The following TATDN1 variants were observed in gnomAD, a reference collection of about 807,000 sequenced individuals.
TATDN1 encodes TatD DNase domain containing 1.
A neutral mutation model predicts 46.4 loss-of-function variants in TATDN1; 40 were observed. The observed-to-expected ratio is 0.86, with a 90% confidence interval of 0.67 to 1.12. TATDN1 has a LOEUF of 1.12. TATDN1 is among the 50% of genes most tolerant of loss of function. The probability of loss-of-function intolerance (pLI) is 0.00; values close to 1 mark genes in which losing one functional copy is unlikely to be tolerated. For missense variants in TATDN1, 326 were observed against 348.4 expected, an observed-to-expected ratio of 0.94 and a Z score of 0.51; for synonymous variants, 95 against 105.6, an observed-to-expected ratio of 0.90 and a Z score of 0.62.
At chr8:124,494,522 G>A (rs1817290651) in intron 10 of TATDN1, 1 of 152,240 alleles carries the variant, frequency 6.6e-6, no homozygotes, top group African/African-American at 2.4e-5. Flanking sequence ...CCTTGACAGG[G>A]TTTAGATAAA....
chr8:124,527,015 A>G (rs1820559392), intron 1 of TATDN1, among the ~76,000 whole-genome samples: 1 of 152,240 alleles, frequency 6.6e-6, no homozygotes, highest in South Asian at 2.1e-4. Context: ...CACGAGATCT[A>G]TACATTAGGG....
intron 1 of TATDN1, among the ~76,000 whole-genome samples, chr8:124,530,918 C>T (rs1016828832): frequency 7.9e-5 from 12 of 152,072 alleles, no homozygotes; most frequent in African/African-American, 2.9e-4. Flanking sequence ...GAGACTGGCA[C>T]CAACTTCCAA....
Position 124,504,277 on chromosome 8 carries a change from T to C in TATDN1, c.587A>G (p.Asn196Ser). 1.2e-6 allele frequency: 2 copies of C among 1,600,030 alleles called. No homozygotes were observed. Among genetic ancestry groups the C allele is most frequent in the South Asian group, 1.1e-5 (1 of 87,060 alleles). ...LIDLDLYIGF[N>S]GCSLKTEANL... ...AAGCAACCTAAGAACGTACCAACCA[T>C]TAAATCCTATATAAAGATCCAAGTC... is the stretch of plus-strand genomic sequence containing the variant. Residue 196 changes from asparagine (N) to serine (S), a missense_variant, in exon 9 of 12, where the codon AAT (asparagine) becomes AGT (serine). By Grantham distance (46) the Asn-to-Ser change is conservative. Coordinates refer to ENST00000276692, the MANE Select transcript of TATDN1 (RefSeq NM_032026.4).
intron 11 of TATDN1, among the ~76,000 whole-genome samples, chr8:124,492,935 G>C (rs938412647): frequency 6.6e-6 from 1 of 151,976 alleles, no homozygotes; most frequent in Non-Finnish European, 1.5e-5. Context: ...GAATACAGGC[G>C]CAGGCCACCA....
rs558130152 is a variant in TATDN1 at position 124,506,290 on chromosome 8, G to A, written c.517-1943C>T. Among the ~76,000 whole-genome samples the A allele has an allele frequency of 1.9e-4, 26 of 138,370 alleles. No individual in the cohort carries two copies. The East Asian group carries it at 3.5e-3, about 19-fold the overall frequency. The allele number at this position is 138,370 out of a possible 152,430, so 90.8% of individuals were successfully genotyped here. A position where few individuals can be genotyped will look rare whatever the true frequency, so the allele number is the denominator to read the frequency against. ...ACAGAAGTTGTGGTGAGCCAAGATCGTGCTATTGCACTCCAGCCTGGGTGA... is the reference window on the plus strand; with the variant it reads ...ACAGAAGTTGTGGTGAGCCAAGATCATGCTATTGCACTCCAGCCTGGGTGA... On this transcript the variant is annotated intron_variant, in intron 8 of 11. Coordinates refer to ENST00000276692, the MANE Select transcript of TATDN1 (RefSeq NM_032026.4).
intron 3 of TATDN1, among the ~76,000 whole-genome samples, chr8:124,520,815 C>T (rs1032764287): frequency 9.2e-5 from 14 of 151,646 alleles, no homozygotes; most frequent in South Asian, 2.1e-4. Flanking sequence ...TGGTGGCGGG[C>T]GCCTGTAGTC....
intron 3 of TATDN1, among the ~76,000 whole-genome samples, chr8:124,519,584 T>C (rs967689416): frequency 2.6e-5 from 4 of 152,216 alleles, no homozygotes; most frequent in African/African-American, 9.6e-5. Context: ...ATATTTAAAA[T>C]ATTTTGTTTT....
At chr8:124,495,788 A>AT (rs765853915) in intron 9 of TATDN1, among the ~76,000 whole-genome samples, 1 of 152,188 alleles carries the variant, frequency 6.6e-6, no homozygotes, top group Non-Finnish European at 1.5e-5. Context: ...ATAGCGTTCT[A>AT]TATCAGTCTA....
At chr8:124,508,776 A>C in intron 6 of TATDN1, 88 bp from the exon 7 acceptor site, 4 of 831,464 alleles carry the variant, frequency 4.8e-6, no homozygotes, top group Non-Finnish European at 7.3e-6. Flanking sequence ...TTTAAATTAA[A>C]GGTATTTAAT....
intron 1 of TATDN1, among the ~76,000 whole-genome samples, chr8:124,527,273 C>T (rs1820581117): frequency 1.3e-5 from 2 of 152,204 alleles, no homozygotes; most frequent in African/African-American, 4.8e-5. Context: ...GGGGTGGAGA[C>T]TTAACATTAA....
chr8:124,539,063 C>T lies in TATDN1; in HGVS notation c.-17G>A, dbSNP rs1821782764. ...GCGACTCATGACTGCGCATGGAGGA[C>T]CTCCCCAGCGGAAGCGGAAGTGGCC... On this transcript the variant is annotated 5_prime_UTR_variant, in exon 1 of 12. Transcript: ENST00000276692. 3.1e-6 allele frequency: 5 copies of T among 1,612,680 alleles called. No homozygotes were observed. The highest frequency in any genetic ancestry group is 4.2e-6 in the Non-Finnish European group (5 of 1,178,744).
intron 11 of TATDN1, 118 bp from the exon 12 acceptor site, chr8:124,488,814 T>A: frequency 1.5e-6 from 1 of 663,740 alleles, no homozygotes; most frequent in East Asian, 2.9e-5. Context: ...TAATAAAGCT[T>A]AACAGTTATT....
chr8:124,498,082 T>C (rs1586570101), intron 9 of TATDN1, among the ~76,000 whole-genome samples: 2 of 152,264 alleles, frequency 1.3e-5, no homozygotes, highest in South Asian at 4.2e-4. Flanking sequence ...GTTTTTCTAT[T>C]TATCTTGGCC....
At chr8:124,526,150 G>A (rs1820481580) in intron 1 of TATDN1, among the ~76,000 whole-genome samples, 1 of 152,154 alleles carries the variant, frequency 6.6e-6, no homozygotes, top group African/African-American at 2.4e-5. Flanking sequence ...GAGAATCCCT[G>A]ATTAACCATT....
intron 8 of TATDN1, 117 bp from the exon 9 acceptor site, chr8:124,504,464 G>A: frequency 3.9e-6 from 2 of 510,330 alleles, no homozygotes; most frequent in Non-Finnish European, 6.6e-6. Context: ...TGGACCTCAG[G>A]GTTTCAAAGG....
At chr8:124,500,613 C>A (rs1026302477) in intron 9 of TATDN1, among the ~76,000 whole-genome samples, 7 of 151,624 alleles carry the variant, frequency 4.6e-5, no homozygotes, top group Non-Finnish European at 1.0e-4. Context: ...TTGGGAGGAT[C>A]GCCTGAGCCC....
intron 4 of TATDN1, among the ~76,000 whole-genome samples, chr8:124,518,069 G>A (rs755939477): frequency 2.6e-5 from 4 of 151,346 alleles, no homozygotes; most frequent in Non-Finnish European, 4.4e-5. Flanking sequence ...AAAATTAGCT[G>A]GGCATGGTGG....
At chr8:124,507,793 A>G (rs535790943) in intron 8 of TATDN1, among the ~76,000 whole-genome samples, 4 of 151,884 alleles carry the variant, frequency 2.6e-5, no homozygotes, top group African/African-American at 9.7e-5. Context: ...CCAAAAAAAA[A>G]AAAAAACAAA....
intron 9 of TATDN1, among the ~76,000 whole-genome samples, chr8:124,501,560 A>G (rs548411373): frequency 9.2e-4 from 140 of 152,326 alleles, no homozygotes; most frequent in African/African-American, 3.1e-3. Flanking sequence ...TTAAACTATA[A>G]TTCATGTCTT....
Sources: allele counts gnomAD v4.1 joint callset (sites outside exome capture counted in the v4.1 genomes callset), GRCh38; gene constraint gnomAD v4.1.1; transcripts MANE v1.5; gene names NCBI Gene and HGNC (gene_info 2026-07-23, HGNC 2026-07-21).